Variants in DPYSL3 observed in about 807,000 individuals in gnomAD.
The protein encoded by DPYSL3 is dihydropyrimidinase like 3.
DPYSL3 carries 16 observed loss-of-function variants against 66.1 expected under a neutral mutation model. The observed-to-expected ratio is 0.24, with a 90% confidence interval of 0.16 to 0.37. The LOEUF is 0.37. Among genes scored for constraint, DPYSL3 ranks in the 10% least tolerant of loss-of-function variants. DPYSL3 has a pLI of 1.00. For missense variants in DPYSL3, 738 were observed against 916.2 expected (o/e 0.81, Z 2.51); for synonymous variants, 338 against 345.1 (o/e 0.98, Z 0.23).
intron 1 of DPYSL3, among the ~76,000 whole-genome samples, chr5:147,508,788 T>C (rs1323909947): frequency 2.6e-5 from 4 of 152,248 alleles, no homozygotes; most frequent in Admixed American, 6.5e-5. Flanking sequence ...AATATAATGC[T>C]ATTCTTGCAG....
At chr5:147,496,428 A>C (rs1047501121) in intron 1 of DPYSL3, among the ~76,000 whole-genome samples, 142 of 152,316 alleles carry the variant, frequency 9.3e-4, no homozygotes, top group African/African-American at 3.3e-3. Context: ...GAGCTTCTGC[A>C]CTGCAAAAGA....
At chr5:147,494,880 AAATAATAAT>A (rs34805887) in intron 1 of DPYSL3, among the ~76,000 whole-genome samples, 19 of 142,446 alleles carry the variant, frequency 1.3e-4, no homozygotes, top group Admixed American at 3.6e-4. Context: ...CTCCATCTCA[AAATAATAAT>A]AATAATAATA....
intron 2 of DPYSL3, 96 bp downstream of exon 2, chr5:147,424,779 T>C (rs1752164288): frequency 8.3e-6 from 8 of 963,218 alleles, no homozygotes; most frequent in Non-Finnish European, 1.2e-5. Flanking sequence ...TAAATTAAGA[T>C]TTTTTTCACT....
At chr5:147,493,888 C>A (rs1753457254) in intron 1 of DPYSL3, among the ~76,000 whole-genome samples, 1 of 152,138 alleles carries the variant, frequency 6.6e-6, no homozygotes, top group Admixed American at 6.6e-5. Flanking sequence ...TCCCCAAATA[C>A]GTGGATATTA....
At chr5:147,430,305 G>A (rs1013437387) in intron 1 of DPYSL3, among the ~76,000 whole-genome samples, 4 of 151,966 alleles carry the variant, frequency 2.6e-5, no homozygotes, top group Admixed American at 6.6e-5. Context: ...AGAGCAGCCT[G>A]GCCAACATGG....
At chr5:147,406,318 C>G (rs1005335638) in intron 7 of DPYSL3, 7 of 152,152 alleles carry the variant, frequency 4.6e-5, no homozygotes, top group African/African-American at 1.7e-4. Flanking sequence ...GCTAACCAAC[C>G]CAGTGGCATT....
intron 1 of DPYSL3, among the ~76,000 whole-genome samples, chr5:147,445,226 G>A (rs772098118): frequency 6.6e-6 from 1 of 152,200 alleles, no homozygotes; most frequent in Non-Finnish European, 1.5e-5. Context: ...AGGACTGGAG[G>A]CCAGACAAGA....
chr5:147,504,037 G>C (rs1177737228), intron 1 of DPYSL3, among the ~76,000 whole-genome samples: 1 of 152,152 alleles, frequency 6.6e-6, no homozygotes, highest in Non-Finnish European at 1.5e-5. Flanking sequence ...TGGACCTTCT[G>C]CCTCTTCCAT....
At chr5:147,460,575 G>C (rs1332616353) in intron 1 of DPYSL3, among the ~76,000 whole-genome samples, 2 of 152,162 alleles carry the variant, frequency 1.3e-5, no homozygotes, top group Non-Finnish European at 2.9e-5. Context: ...CCTGATAAAG[G>C]GAGGAGGGAG....
chr5:147,509,525 T>C lies in DPYSL3; in HGVS notation c.334A>G (p.Ser112Gly), dbSNP rs1402442877. ...SPAPAGVEIR[S>G]ATGKEVLQNL... ...TGCAACACCTCTTTGCCGGTGGCGCTCCGGATCTCTACCCCGGCGGGGGCG... is the reference window on the plus strand; with the variant it reads ...TGCAACACCTCTTTGCCGGTGGCGCCCCGGATCTCTACCCCGGCGGGGGCG... Residue 112 changes from serine to glycine, a missense_variant, in exon 1 of 14, where the codon AGC (serine) becomes GGC (glycine). Ser to Gly is a moderately conservative substitution (Grantham distance 56). Transcript: ENST00000343218. The surrounding 1 kb of genome is among the most constrained non-coding windows in gnomAD (Gnocchi z 5.3). 1.3e-6 allele frequency: 2 copies of C among 1,534,042 alleles called. No individual in the cohort carries two copies. The highest frequency in any genetic ancestry group is 1.2e-5 in the South Asian group (1 of 83,780).
intron 1 of DPYSL3, among the ~76,000 whole-genome samples, chr5:147,485,127 G>A (rs1464239780): frequency 6.6e-6 from 1 of 152,184 alleles, no homozygotes; most frequent in African/African-American, 2.4e-5. Flanking sequence ...GCAACCCACA[G>A]CATCGTAGAA....
Position 147,477,564 on chromosome 5 carries a change from T to A in DPYSL3, c.381+31914A>T, listed in dbSNP as rs1425548266. Among the ~76,000 whole-genome samples, 43 of 34,322 alleles carry A rather than the reference T, an allele frequency of 1.3e-3. 2 individuals are homozygous for A. The East Asian group carries it at 0.02, about 16-fold the overall frequency. The allele number at this position is 34,322 out of a possible 152,430, so 22.5% of individuals were successfully genotyped here. A position where few individuals can be genotyped will look rare whatever the true frequency, so the allele number is the denominator to read the frequency against. ...GGAAAAATAAAAACACCTAAATCTT[T>A]TTTTTTTTTTTTTTTTTTTTTTTTT... On this transcript the variant is annotated intron_variant, in intron 1 of 13. Transcript: ENST00000343218.
intron 1 of DPYSL3, among the ~76,000 whole-genome samples, chr5:147,506,735 C>G (rs1183561681): frequency 2.6e-5 from 4 of 152,032 alleles, no homozygotes; most frequent in Non-Finnish European, 5.9e-5. Flanking sequence ...AAGTAGTCAC[C>G]ATTATCCTTA....
At position 147,405,606 on chromosome 5, in the gene DPYSL3, T is replaced by A. The variant is rs1392312802; in HGVS notation, c.1153+4A>T. 1 of 1,609,438 alleles carries A rather than the reference T, an allele frequency of 6.2e-7. No individual in the cohort carries two copies. The highest frequency in any genetic ancestry group is 8.5e-7 in the Non-Finnish European group (1 of 1,178,016). On this transcript the variant is annotated splice_donor_region_variant and intron_variant, in intron 8 of 13. Transcript: ENST00000343218. The stretch of plus-strand genomic sequence containing the variant: ...GGCTCCGAGATCTTGGAAACACAAA[T>A]CACCTTTTTTCCTGGCTTGTGAGAT...
intron 2 of DPYSL3, among the ~76,000 whole-genome samples, chr5:147,421,883 T>C (rs1270980139): frequency 6.6e-6 from 1 of 152,144 alleles, no homozygotes; most frequent in African/African-American, 2.4e-5. Flanking sequence ...GACTTAAATG[T>C]AAGACGTAAA....
rs1400030354 is a variant in DPYSL3, at chr5:147,394,223, A to G, written c.1967-100T>C. ...ACTGGGTTAATTTTAAGAGTGCAAG[A>G]TATGAAGTGCCTTGCTGGCCTCACC... On this transcript the variant is annotated intron_variant, in intron 13 of 13. Coordinates refer to ENST00000343218, the MANE Select transcript of DPYSL3 (RefSeq NM_001197294.2). 5.8e-6 allele frequency: 7 copies of G among 1,202,812 alleles called. No individual in the cohort carries two copies. The East Asian group carries it at 1.7e-4, about 29-fold the overall frequency. The allele number at this position is 1,202,812 out of a possible 1,614,324, so 74.5% of individuals were successfully genotyped here.
At chr5:147,430,862 C>T (rs1174321491) in intron 1 of DPYSL3, among the ~76,000 whole-genome samples, 8 of 152,118 alleles carry the variant, frequency 5.3e-5, no homozygotes, top group African/African-American at 1.4e-4. Context: ...CTGAGAACAG[C>T]GCTTAAGACA....
intron 4 of DPYSL3, among the ~76,000 whole-genome samples, chr5:147,413,877 CTCT>C (rs1174133532): frequency 4.6e-5 from 7 of 152,312 alleles, no homozygotes; most frequent in African/African-American, 1.4e-4. Context: ...GCAGAATGGT[CTCT>C]TCTTCTGTGC....
chr5:147,437,287 T>A (rs1230984640), intron 1 of DPYSL3, among the ~76,000 whole-genome samples: 1 of 152,160 alleles, frequency 6.6e-6, no homozygotes, highest in Non-Finnish European at 1.5e-5. Flanking sequence ...AGAAACCTTT[T>A]CACCAAATCT....
Sources: allele counts gnomAD v4.1 joint callset (sites outside exome capture counted in the v4.1 genomes callset), GRCh38; gene constraint gnomAD v4.1.1; non-coding constraint Gnocchi (gnomAD v3.1); transcripts MANE v1.5; gene names NCBI Gene and HGNC (gene_info 2026-07-23, HGNC 2026-07-21).